The following SEC31B variants were observed in gnomAD, a reference collection of about 807,000 sequenced individuals.
SEC31B encodes the protein protein transport protein Sec31B.
A neutral mutation model predicts 135.0 loss-of-function variants in SEC31B; 113 were observed. The ratio of observed to expected loss-of-function variants is 0.84; its 90% confidence interval spans 0.72 to 0.98. SEC31B has a LOEUF of 0.98. SEC31B is among the 50% of genes least tolerant of loss of function. SEC31B has a pLI of 0.00. For synonymous variants in SEC31B, 508 were observed against 549.4 expected (o/e 0.92, Z 1.05); for missense variants, 1,296 against 1,421.1 (o/e 0.91, Z 1.42).
Position 100,487,781 on chromosome 10 carries a change from G to A in SEC31B, c.3375C>T (p.Val1125=), listed in dbSNP as rs373541876. The change falls in exon 26 of 26, where the codon GTC becomes GTT. Residue 1125 remains valine (V), a synonymous_variant. Coordinates refer to ENST00000370345, the MANE Select transcript of SEC31B (RefSeq NM_015490.4). The part of the protein sequence containing the change: ...KLCEGTLSPH[V]VAGLHEVARC... The stretch of plus-strand genomic sequence containing the variant: ...GGGCAACCTCATGGAGCCCAGCCAC[G>A]ACATGAGGTGAGAGCTGTGGAGGGA... The A allele has an allele frequency of 4.2e-5, 67 of 1,613,882 alleles. No individual in the cohort carries two copies. Among genetic ancestry groups the A allele is most frequent in the Non-Finnish European group, 5.5e-5 (65 of 1,180,002 alleles).
chr10:100,492,923 C>A (rs1002349898), intron 19 of SEC31B, among the ~76,000 whole-genome samples: 5 of 152,114 alleles, frequency 3.3e-5, no homozygotes, highest in African/African-American at 1.2e-4. Context: ...AATTATAAAA[C>A]GCTGATGGAG....
At position 100,487,631 on chromosome 10, in the gene SEC31B, A is replaced by C. The variant is rs1295676183; in HGVS notation, c.3525T>G (p.His1175Gln). 6.2e-7 allele frequency: 1 copy of C among 1,613,048 alleles called. No homozygotes were observed. The highest frequency in any genetic ancestry group is 8.5e-7 in the Non-Finnish European group (1 of 1,179,606). The change falls in exon 26 of 26, where the codon CAT (histidine) becomes CAG (glutamine). Residue 1175 changes from histidine (H) to glutamine (Q), a missense_variant. Coordinates refer to ENST00000370345, the MANE Select transcript of SEC31B (RefSeq NM_015490.4). ...GCTGCCTGGTTTAGACCAGCAGCTT[A>C]TGAGCGATGATGAGGACAGCCTTCA... is the stretch of plus-strand genomic sequence containing the variant. ...PILKAVLIIA[H>Q]KLLV
At chr10:100,487,937 A>C in intron 25 of SEC31B, 90 bp downstream of exon 25, 1 of 1,517,844 alleles carries the variant, frequency 6.6e-7, no homozygotes, top group Non-Finnish European at 9.1e-7. Context: ...GGTCAGTGAC[A>C]CCTATGGGAA....
chr10:100,488,909 C>T lies in SEC31B; in HGVS notation c.3237G>A (p.Lys1079=), dbSNP rs772802831. Residue 1079 remains lysine (K), a synonymous_variant, in exon 24 of 26, where the codon AAG becomes AAA. Transcript: ENST00000370345. ...GTTGGAGAAGCGCCTCAAAGCTGCT[C>T]TTCAAGGACTGATGCTCTGGGGGCA... is the stretch of plus-strand genomic sequence containing the variant. ...KELPPEHQSL[K]SSFEALLQRC... is the part of the protein sequence containing the mutation. The T allele has an allele frequency of 6.2e-7, 1 of 1,611,816 alleles. No homozygotes were observed. The highest frequency in any genetic ancestry group is 1.7e-5 in the Admixed American group (1 of 59,400).
chr10:100,495,639 G>A (rs1851393740), intron 18 of SEC31B, 93 bp from the exon 19 acceptor site: 1 of 1,244,282 alleles, frequency 8.0e-7, no homozygotes, highest in South Asian at 1.3e-5. Flanking sequence ...TCTACACCAA[G>A]CTTGTCCAAC....
chr10:100,498,104 G>A lies in SEC31B; in HGVS notation c.1788C>T (p.Ala596=), dbSNP rs1392478199. 3.1e-6 allele frequency: 5 copies of A among 1,614,002 alleles called. No homozygotes were observed. The highest frequency in any genetic ancestry group is 1.7e-5 in the Admixed American group (1 of 59,998). The part of the protein sequence containing the change: ...EERFADAIIL[A]QAGGTDLLKQ... ...TCAGCAGATCTGTACCCCCAGCCTG[G>A]GCCAGGATAATGGCATCAGCAAAGC... is the stretch of plus-strand genomic sequence containing the variant. Residue 596 remains alanine (A), a synonymous_variant, in exon 15 of 26, where the codon GCC becomes GCT. Transcript: ENST00000370345.
intron 3 of SEC31B, 56 bp downstream of exon 3, chr10:100,516,040 C>T (rs776382569): frequency 5.0e-5 from 80 of 1,591,216 alleles, no homozygotes; most frequent in Non-Finnish European, 6.8e-5. Flanking sequence ...ACACACTGCT[C>T]CCAGGATTCC....
At chr10:100,501,799 C>T (rs1223316878) in intron 11 of SEC31B, 1 of 173,698 alleles carries the variant, frequency 5.8e-6, no homozygotes, top group East Asian at 1.6e-4. Context: ...CTAGGACCCA[C>T]TCCAAGGACT....
At position 100,499,251 on chromosome 10, in the gene SEC31B, G is replaced by A. The variant is rs779454536; in HGVS notation, c.1493C>T (p.Thr498Ile). The change falls in exon 13 of 26, where the codon ACA becomes ATA. Residue 498 changes from threonine to isoleucine, a missense_variant. By Grantham distance (89) the Thr-to-Ile change is moderately conservative. Coordinates refer to ENST00000370345, the MANE Select transcript of SEC31B (RefSeq NM_015490.4). ...SKDELQKKVA[T>I]WLKSDVGLGE... ...TAGCCCCACGTCACTCTTCAACCAT[G>A]TGGCCACCTGCAGGGAGAGACCTCT... The A allele has an allele frequency of 6.2e-7, 1 of 1,611,880 alleles. No homozygotes were observed. The highest frequency in any genetic ancestry group is 1.1e-5 in the South Asian group (1 of 90,552).
At chr10:100,489,200 C>T (rs1851250314) in intron 23 of SEC31B, 52 bp downstream of exon 23, 1 of 1,550,394 alleles carries the variant, frequency 6.4e-7, no homozygotes, top group Non-Finnish European at 8.7e-7. Context: ...GACCTGCACC[C>T]AAGGAGGGCT....
At chr10:100,513,942 T>C (rs567820192) in intron 3 of SEC31B, among the ~76,000 whole-genome samples, 42 of 151,766 alleles carry the variant, frequency 2.8e-4, no homozygotes, top group African/African-American at 9.4e-4. Context: ...CCCAGCACTT[T>C]GGGAGGCCGA....
chr10:100,519,646 C>CGGGCA (rs1851916819), intron 1 of SEC31B, 136 bp downstream of exon 1: 1 of 152,324 alleles, frequency 6.6e-6, no homozygotes, highest in Non-Finnish European at 1.5e-5. Flanking sequence ...CCCGGACCCG[C>CGGGCA]GGGCAGGGCA....
At chr10:100,510,054 T>A (rs1170202286) in intron 3 of SEC31B, among the ~76,000 whole-genome samples, 1 of 152,256 alleles carries the variant, frequency 6.6e-6, no homozygotes, top group Non-Finnish European at 1.5e-5. Flanking sequence ...ACAGAGGTAG[T>A]AATTTTATCC....
rs1027814425 is a variant in SEC31B, at chr10:100,519,804, G to A, written c.-68C>T. On this transcript the variant is annotated 5_prime_UTR_variant, in exon 1 of 26. Transcript: ENST00000370345. ...AACCTGTGCGGAAGACCCCGGACAA[G>A]GGTCAGGCGCGGCGGCCGGAGCCGC... The A allele has an allele frequency of 3.3e-5, 5 of 152,296 alleles. No individual in the cohort carries two copies. Among genetic ancestry groups the A allele is most frequent in the Admixed American group, 6.5e-5 (1 of 15,290 alleles). The allele number at this position is 152,296 out of a possible 1,614,324, so 9.4% of individuals were successfully genotyped here. A position where few individuals can be genotyped will look rare whatever the true frequency, so the allele number is the denominator to read the frequency against.
chr10:100,490,138 T>A lies in SEC31B; in HGVS notation c.2835A>T (p.Leu945=), dbSNP rs1450914921. 1 of 1,595,814 alleles carries A rather than the reference T, an allele frequency of 6.3e-7. No individual in the cohort carries two copies. Among genetic ancestry groups the A allele is most frequent in the Non-Finnish European group, 8.5e-7 (1 of 1,171,740 alleles). ...TGTGGGAGACCATGCGGCCGGGACCTAGTGGTCTCAGAGGAAGCAGAGGGA... is the reference window on the plus strand; with the variant it reads ...TGTGGGAGACCATGCGGCCGGGACCAAGTGGTCTCAGAGGAAGCAGAGGGA... ...RLFPLLPLRP[L]GPGRMVSHTP... Residue 945 remains leucine (L), a synonymous_variant, in exon 21 of 26, where the codon CTA becomes CTT. Transcript: ENST00000370345.
At chr10:100,488,132 C>T (rs1851218551) in intron 24 of SEC31B, 34 bp from the exon 25 acceptor site, 2 of 1,589,886 alleles carry the variant, frequency 1.3e-6, no homozygotes, top group Non-Finnish European at 1.7e-6. Flanking sequence ...AACCCCAGCC[C>T]CTAAGTCTAA....
chr10:100,499,799 C>T (rs1206884964), intron 11 of SEC31B, among the ~76,000 whole-genome samples: 2 of 152,172 alleles, frequency 1.3e-5, no homozygotes, highest in Admixed American at 1.3e-4. Context: ...AACATAGCCC[C>T]CTGCCCTTTG....
chr10:100,497,475 A>G, intron 16 of SEC31B, 192 bp downstream of exon 16: 1 of 1,473,540 alleles, frequency 6.8e-7, no homozygotes, highest in Non-Finnish European at 9.0e-7. Context: ...AAAACAGGAC[A>G]ACAAAGGATC....
At position 100,490,215 on chromosome 10, in the gene SEC31B, G is replaced by T. The variant is rs146879515; in HGVS notation, c.2758C>A (p.Pro920Thr). The T allele has an allele frequency of 6.2e-7, 1 of 1,612,542 alleles. No individual in the cohort carries two copies. The highest frequency in any genetic ancestry group is 8.5e-7 in the Non-Finnish European group (1 of 1,179,206). The change falls in exon 21 of 26, where the codon CCA becomes ACA. Residue 920 changes from proline (P) to threonine (T), a missense_variant. By Grantham distance (38) the Pro-to-Thr change is conservative. Coordinates refer to ENST00000370345, the MANE Select transcript of SEC31B (RefSeq NM_015490.4). ...GTAGAGCCAGGTCGCATGATGCCTG[G>T]GCATGCCATGGGTAGAGGGGAACCA... is the stretch of plus-strand genomic sequence containing the variant. ...LPGSPLPMAC[P>T]GIMRPGSTSL...
Sources: gnomAD v4.1 joint callset for allele counts (sites outside exome capture counted in the v4.1 genomes callset) on GRCh38, gnomAD v4.1.1 for gene constraint, MANE v1.5 for transcripts, NCBI Gene and HGNC (gene_info 2026-07-23, HGNC 2026-07-21) for gene names.